Variants in PLXDC2 observed in about 807,000 individuals in gnomAD.
The protein encoded by PLXDC2 is plexin domain-containing protein 2.
PLXDC2 carries 40 observed loss-of-function variants against 68.9 expected under a neutral mutation model. The ratio of observed to expected loss-of-function variants is 0.58; its 90% CI spans 0.45 to 0.76. PLXDC2 has a LOEUF of 0.76. PLXDC2 is among the 30% of genes least tolerant of loss of function. The probability of loss-of-function intolerance (pLI) is 0.00; values close to 1 mark genes in which losing one functional copy is unlikely to be tolerated. For missense variants in PLXDC2, 644 were observed against 661.9 expected (o/e 0.97, Z 0.30); for synonymous variants, 243 against 234.2 (o/e 1.04, Z -0.34).
At chr10:19,980,367 G>T (rs1033302841) in intron 1 of PLXDC2, among the ~76,000 whole-genome samples, 1 of 152,192 alleles carries the variant, frequency 6.6e-6, no homozygotes, top group Non-Finnish European at 1.5e-5. Flanking sequence ...AGTTATGTTT[G>T]TGATGTCTTG....
chr10:20,267,531 C>T (rs1835886557), intron 13 of PLXDC2, among the ~76,000 whole-genome samples: 1 of 152,102 alleles, frequency 6.6e-6, no homozygotes, highest in Non-Finnish European at 1.5e-5. Context: ...GGAGCTAAAA[C>T]CAAATTTGCT....
chr10:19,949,907 T>C (rs767900448), intron 1 of PLXDC2, among the ~76,000 whole-genome samples: 5 of 152,210 alleles, frequency 3.3e-5, no homozygotes, highest in Non-Finnish European at 7.4e-5. Context: ...GATAGGCAGA[T>C]ACATTATTAT....
intron 2 of PLXDC2, among the ~76,000 whole-genome samples, chr10:20,007,590 G>A (rs993902057): frequency 1.3e-5 from 2 of 152,224 alleles, no homozygotes; most frequent in Non-Finnish European, 2.9e-5. Context: ...GATCATATTA[G>A]TACAGTTTCA....
Position 19,822,173 on chromosome 10 carries a change from C to G in PLXDC2, c.112+4982C>G, listed in dbSNP as rs561971326. 2.0e-5 allele frequency among the ~76,000 whole-genome samples: 3 copies of G among 149,512 alleles called. No individual in the cohort carries two copies. The South Asian group carries it at 6.3e-4, about 31-fold the overall frequency. On this transcript the variant is annotated intron_variant, in intron 1 of 13. Coordinates refer to ENST00000377252, the MANE Select transcript of PLXDC2 (RefSeq NM_032812.9). ...ATATGCAATATATAATGTATATACACTATATATGCACTATATAGTATATAT... is the reference window on the plus strand; with the variant it reads ...ATATGCAATATATAATGTATATACAGTATATATGCACTATATAGTATATAT...
intron 11 of PLXDC2, among the ~76,000 whole-genome samples, chr10:20,218,318 G>C (rs1455898010): frequency 8.6e-6 from 1 of 115,638 alleles, no homozygotes; most frequent in Non-Finnish European, 2.2e-5. Flanking sequence ...TCTTTGGCTT[G>C]AATAAAAAAT....
In PLXDC2 at chr10:20,041,204, A is replaced by G. The variant is rs191448636; in HGVS notation, c.325-5665A>G. On this transcript the variant is annotated intron_variant, in intron 2 of 13. Transcript: ENST00000377252. ...TGGTTGATTTAGTGTATAGTTAGGCATTACATTTTTAAGTTCTTTTTGGTG... is the reference window on the plus strand; with the variant it reads ...TGGTTGATTTAGTGTATAGTTAGGCGTTACATTTTTAAGTTCTTTTTGGTG... Among the ~76,000 whole-genome samples the G allele has an allele frequency of 3.2e-3, 485 of 152,284 alleles. 3 individuals carry two copies. Among genetic ancestry groups the G allele is most frequent in the African/African-American group, 0.01 (431 of 41,564 alleles).
chr10:20,041,018 C>G (rs915832950), intron 2 of PLXDC2, among the ~76,000 whole-genome samples: 2 of 152,040 alleles, frequency 1.3e-5, no homozygotes, highest in Non-Finnish European at 2.9e-5. Flanking sequence ...TGATTTATAA[C>G]CATAATAATG....
intron 1 of PLXDC2, among the ~76,000 whole-genome samples, chr10:19,837,830 C>T (rs1836828444): frequency 1.3e-5 from 2 of 152,188 alleles, no homozygotes; most frequent in South Asian, 4.1e-4. Context: ...GCAACCGAGG[C>T]CTGTCCTTTT....
At chr10:20,045,153 A>G (rs77371743) in intron 2 of PLXDC2, among the ~76,000 whole-genome samples, 359 of 152,208 alleles carry the variant, frequency 2.4e-3, no homozygotes, top group Admixed American at 4.1e-3. Context: ...TTCCATACCC[A>G]GAGTTTAATT....
intron 12 of PLXDC2, among the ~76,000 whole-genome samples, chr10:20,231,569 T>C (rs1457856263): frequency 6.6e-6 from 1 of 151,384 alleles, no homozygotes; most frequent in Non-Finnish European, 1.5e-5. Flanking sequence ...AAAATATTAA[T>C]TTTAAAAGAA....
intron 13 of PLXDC2, among the ~76,000 whole-genome samples, chr10:20,267,095 C>T (rs1195311409): frequency 6.6e-6 from 1 of 152,178 alleles, no homozygotes; most frequent in Non-Finnish European, 1.5e-5. Context: ...CTTTAAATTA[C>T]AACATTGATT....
intron 9 of PLXDC2, among the ~76,000 whole-genome samples, chr10:20,207,335 G>A (rs1203576783): frequency 6.6e-6 from 1 of 152,084 alleles, no homozygotes; most frequent in Non-Finnish European, 1.5e-5. Context: ...TTTTCCCTGG[G>A]ATTAATTTAA....
chr10:19,954,726 T>C (rs1434577259), intron 1 of PLXDC2, among the ~76,000 whole-genome samples: 1 of 152,208 alleles, frequency 6.6e-6, no homozygotes, highest in African/African-American at 2.4e-5. Context: ...AGAGAACAAA[T>C]AGGCATGATG....
At chr10:19,884,357 T>A (rs1454816867) in intron 1 of PLXDC2, among the ~76,000 whole-genome samples, 1 of 151,748 alleles carries the variant, frequency 6.6e-6, no homozygotes, top group Non-Finnish European at 1.5e-5. Flanking sequence ...ATAAATGAGA[T>A]TTTTTTTTAT....
In PLXDC2 at chr10:20,281,213, C is replaced by A. The variant is rs1420533957; in HGVS notation, c.*1394C>A. On this transcript the variant is annotated 3_prime_UTR_variant, in exon 14 of 14. Coordinates refer to ENST00000377252, the MANE Select transcript of PLXDC2 (RefSeq NM_032812.9). Reference sequence around the variant, plus strand: ...GCTCCTTAAATGGAGATATCGATTGCCTTGGAATCACAATCCTGATTTTGA... The same window carrying A: ...GCTCCTTAAATGGAGATATCGATTGACTTGGAATCACAATCCTGATTTTGA... 1 of 152,046 alleles carries A rather than the reference C, an allele frequency of 6.6e-6. No homozygotes were observed. Among genetic ancestry groups the A allele is most frequent in the African/African-American group, 2.4e-5 (1 of 41,412 alleles). The allele number at this position is 152,046 out of a possible 1,614,324, so 9.4% of individuals were successfully genotyped here.
intron 13 of PLXDC2, among the ~76,000 whole-genome samples, chr10:20,257,911 C>T (rs371845879): frequency 3.3e-5 from 5 of 151,498 alleles, no homozygotes; most frequent in African/African-American, 1.2e-4. Context: ...ATTAAATACC[C>T]ATGCTTTCTG....
At chr10:20,104,854 C>A (rs1833469698) in intron 4 of PLXDC2, among the ~76,000 whole-genome samples, 1 of 151,928 alleles carries the variant, frequency 6.6e-6, no homozygotes, top group Admixed American at 6.6e-5. Flanking sequence ...AGATCGAGAC[C>A]ATCCTGGCCA....
chr10:20,064,354 A>G lies in PLXDC2; in HGVS notation c.472-3816A>G, dbSNP rs978655310. Among the ~76,000 whole-genome samples, 9 of 151,174 alleles carry G rather than the reference A, an allele frequency of 6.0e-5. 1 individual carries two copies. In the South Asian group the frequency reaches 8.4e-4, roughly 14 times the overall value. Reference sequence around the variant, plus strand: ...TCCTGCCTCAGCCTCCCGAATAGCTAGGACTACAGGCGCCCACCACCACGC... The same window carrying G: ...TCCTGCCTCAGCCTCCCGAATAGCTGGGACTACAGGCGCCCACCACCACGC... On this transcript the variant is annotated intron_variant, in intron 3 of 13. Coordinates refer to ENST00000377252, the MANE Select transcript of PLXDC2 (RefSeq NM_032812.9).
intron 3 of PLXDC2, among the ~76,000 whole-genome samples, chr10:20,052,722 C>CAAAA (rs59776582): frequency 8.9e-4 from 82 of 91,980 alleles, no homozygotes; most frequent in Middle Eastern, 7.9e-3. Context: ...ACAAATTATG[C>CAAAA]AAAAAAAAAA....
Sources: gnomAD v4.1 joint callset for allele counts (sites outside exome capture counted in the v4.1 genomes callset) on GRCh38, gnomAD v4.1.1 for gene constraint, MANE v1.5 for transcripts, NCBI Gene and HGNC (gene_info 2026-07-23, HGNC 2026-07-21) for gene names.